Variants in IKZF2 observed in about 807,000 individuals in gnomAD.
The protein encoded by IKZF2 is IKAROS family zinc finger 2, also known as zinc finger protein Helios.
Under a neutral mutation model 49.2 loss-of-function variants are expected in IKZF2, and 15 were observed. That is an observed-to-expected ratio of 0.30 (90% CI 0.20 to 0.47). The LOEUF (loss-of-function observed/expected upper bound fraction) is 0.47, where lower values mean the gene tolerates loss of function less well. Among genes scored for constraint, IKZF2 ranks in the 20% least tolerant of loss-of-function variants. IKZF2 has a pLI of 1.00. For synonymous variants in IKZF2, 227 were observed against 221.4 expected (o/e 1.03, Z -0.23); for missense variants, 567 against 664.6 (o/e 0.85, Z 1.61).
At position 213,006,860 on chromosome 2, in the gene IKZF2, T is replaced by C. The variant is rs1007748888; in HGVS notation, c.*500A>G. ...TAGGAGTTATCACTGAAAATAACAA[T>C]GTGTTTGTGTTCCATGATCTCTGAA... On this transcript the variant is annotated 3_prime_UTR_variant, in exon 9 of 9. Transcript: ENST00000434687. 1 of 155,238 alleles carries C rather than the reference T, an allele frequency of 6.4e-6. No individual in the cohort carries two copies. Among genetic ancestry groups the C allele is most frequent in the Non-Finnish European group, 1.4e-5 (1 of 69,844 alleles). The allele number at this position is 155,238 out of a possible 1,614,324, so 9.6% of individuals were successfully genotyped here.
intron 7 of IKZF2, among the ~76,000 whole-genome samples, chr2:213,015,991 C>T (rs1696541019): frequency 6.6e-6 from 1 of 152,050 alleles, no homozygotes; most frequent in Admixed American, 6.6e-5. Context: ...ACATCCACCT[C>T]AATTCAGATG....
intron 6 of IKZF2, among the ~76,000 whole-genome samples, chr2:213,037,928 C>T (rs1012130488): frequency 6.6e-6 from 1 of 151,582 alleles, no homozygotes; most frequent in African/African-American, 2.4e-5. Flanking sequence ...AATTATACTA[C>T]ATTTAATGCA....
At chr2:213,034,482 T>C (rs189055450) in intron 6 of IKZF2, among the ~76,000 whole-genome samples, 6 of 152,308 alleles carry the variant, frequency 3.9e-5, no homozygotes, top group African/African-American at 9.6e-5. Flanking sequence ...TTAGAGGCCA[T>C]TGTACAGTTA....
chr2:213,087,720 C>G (rs1704800577), intron 4 of IKZF2, among the ~76,000 whole-genome samples: 1 of 152,154 alleles, frequency 6.6e-6, no homozygotes, highest in Non-Finnish European at 1.5e-5. Flanking sequence ...TCTCATTGTT[C>G]AGTTCCCACC....
chr2:213,067,700 G>A (rs1702290212), intron 4 of IKZF2, among the ~76,000 whole-genome samples: 1 of 152,098 alleles, frequency 6.6e-6, no homozygotes, highest in Non-Finnish European at 1.5e-5. Flanking sequence ...CGAAGCAGTA[G>A]TGAACAAGAC....
intron 4 of IKZF2, among the ~76,000 whole-genome samples, chr2:213,098,276 G>GTAGA (rs1337890782): frequency 6.6e-6 from 1 of 152,090 alleles, no homozygotes; most frequent in East Asian, 1.9e-4. Context: ...AAATTACAGA[G>GTAGA]TAGAGCAACT....
intron 4 of IKZF2, among the ~76,000 whole-genome samples, chr2:213,067,217 C>T (rs761321207): frequency 6.6e-6 from 1 of 152,074 alleles, no homozygotes; most frequent in Non-Finnish European, 1.5e-5. Flanking sequence ...GAACTACTTG[C>T]TTCTTATTAA....
At position 213,115,920 on chromosome 2, in the gene IKZF2, A is replaced by G. The variant is rs182103508; in HGVS notation, c.139+31788T>C. On this transcript the variant is annotated intron_variant, in intron 4 of 8. Coordinates refer to ENST00000434687, the MANE Select transcript of IKZF2 (RefSeq NM_001387220.1). ...AATGTATGGGTGTATGACAGAAAAAAAAAAAGCTGTGTAACATCAGAGCTT... is the reference window on the plus strand; with the variant it reads ...AATGTATGGGTGTATGACAGAAAAAGAAAAAGCTGTGTAACATCAGAGCTT... Among the ~76,000 whole-genome samples the G allele has an allele frequency of 1.0e-3, 156 of 152,326 alleles. 3 individuals carry two copies. Among genetic ancestry groups the G allele is most frequent in the Non-Finnish European group, 1.0e-4 (7 of 68,024 alleles).
In IKZF2 at chr2:213,006,648, C is replaced by T. The variant is rs1695368857; in HGVS notation, c.*712G>A. The T allele has an allele frequency of 6.6e-6, 1 of 152,316 alleles. No homozygotes were observed. The highest frequency in any genetic ancestry group is 1.5e-5 in the Non-Finnish European group (1 of 67,968). 9.4% of individuals were successfully genotyped at this position (152,316 alleles called of 1,614,324 possible). A position where few individuals can be genotyped will look rare whatever the true frequency, so the allele number is the denominator to read the frequency against. ...GCCAGGGTGTCTATAAAATGCCAGT[C>T]ATCAAAACTATGGAAAAACAGTGCT... On this transcript the variant is annotated 3_prime_UTR_variant, in exon 9 of 9. Coordinates refer to ENST00000434687, the MANE Select transcript of IKZF2 (RefSeq NM_001387220.1).
intron 4 of IKZF2, among the ~76,000 whole-genome samples, chr2:213,131,453 T>A (rs141263139): frequency 6.6e-6 from 1 of 152,202 alleles, no homozygotes; most frequent in Admixed American, 6.5e-5. Context: ...ATAGTAACAC[T>A]AACTTTTAAA....
rs1261895013 is a variant in IKZF2 at position 213,007,143 on chromosome 2, G to A, written c.*217C>T. 10 of 479,478 alleles carry A rather than the reference G, an allele frequency of 2.1e-5. No individual in the cohort carries two copies. The highest frequency in any genetic ancestry group is 2.9e-5 in the Non-Finnish European group (8 of 279,478). The allele number at this position is 479,478 out of a possible 1,614,324, so 29.7% of individuals were successfully genotyped here. On this transcript the variant is annotated 3_prime_UTR_variant, in exon 9 of 9. Coordinates refer to ENST00000434687, the MANE Select transcript of IKZF2 (RefSeq NM_001387220.1). ...CAAAATAAACAAGCCAGGTGATAAAGAAACAATATTCCCGCCCCTTCTCTC... is the reference window on the plus strand; with the variant it reads ...CAAAATAAACAAGCCAGGTGATAAAAAAACAATATTCCCGCCCCTTCTCTC...
intron 8 of IKZF2, among the ~76,000 whole-genome samples, chr2:213,012,735 T>TA (rs1696108250): frequency 6.6e-6 from 1 of 152,028 alleles, no homozygotes; most frequent in Non-Finnish European, 1.5e-5. Flanking sequence ...AAACCTTCTT[T>TA]AAGTGTTTAT....
intron 1 of IKZF2, 62 bp from the exon 2 acceptor site, chr2:213,150,309 TC>T (rs2061237726): frequency 1.7e-6 from 1 of 591,930 alleles, no homozygotes; most frequent in Admixed American, 2.6e-5. Context: ...TCTCTTTCCC[TC>T]CCTTGCCCCC....
At chr2:213,025,597 G>A (rs563991931) in intron 6 of IKZF2, among the ~76,000 whole-genome samples, 1 of 152,112 alleles carries the variant, frequency 6.6e-6, no homozygotes, top group East Asian at 1.9e-4. Context: ...AATACATATC[G>A]AGTTATTAAA....
At chr2:213,076,516 T>C (rs1703280981) in intron 4 of IKZF2, among the ~76,000 whole-genome samples, 2 of 152,182 alleles carry the variant, frequency 1.3e-5, no homozygotes, top group African/African-American at 4.8e-5. Context: ...TTATTTAAAT[T>C]AAATGAAATA....
Position 213,122,823 on chromosome 2 carries a change from C to T in IKZF2, c.139+24885G>A, listed in dbSNP as rs1362832357. ...TCCTTCACATGGCTAGATTTTGCCA[C>T]AGGTGACCTGGAACACGTGATATTT... On this transcript the variant is annotated intron_variant, in intron 4 of 8. Transcript: ENST00000434687. Among the ~76,000 whole-genome samples the T allele has an allele frequency of 3.3e-5, 5 of 152,316 alleles. No homozygotes were observed. In the East Asian group the frequency reaches 9.6e-4, roughly 29 times the overall value.
chr2:213,072,428 C>A (rs1482047246), intron 4 of IKZF2, among the ~76,000 whole-genome samples: 4 of 151,464 alleles, frequency 2.6e-5, no homozygotes, highest in African/African-American at 9.7e-5. Context: ...CAGTGTTATA[C>A]AATAGTAAGG....
At chr2:213,037,106 G>C (rs1025112640) in intron 6 of IKZF2, among the ~76,000 whole-genome samples, 1 of 152,176 alleles carries the variant, frequency 6.6e-6, no homozygotes, top group Non-Finnish European at 1.5e-5. Flanking sequence ...CCAAAGTTAA[G>C]ACTGTCCACA....
chr2:213,072,827 C>T (rs771921818), intron 4 of IKZF2, among the ~76,000 whole-genome samples: 10 of 152,008 alleles, frequency 6.6e-5, no homozygotes, highest in African/African-American at 1.7e-4. Flanking sequence ...AAAAATTCAA[C>T]GAAAATGACA....
Sources: gnomAD v4.1 joint callset for allele counts (sites outside exome capture counted in the v4.1 genomes callset) on GRCh38, gnomAD v4.1.1 for gene constraint, MANE v1.5 for transcripts, NCBI Gene and HGNC (gene_info 2026-07-23, HGNC 2026-07-21) for gene names.